Variants in CYREN observed in about 807,000 individuals in gnomAD.
CYREN encodes cell cycle regulator of non-homologous end joining.
CYREN carries 7 observed loss-of-function variants against 9.7 expected under a neutral mutation model. The observed-to-expected ratio is 0.72, with a 90% CI of 0.41 to 1.36. The LOEUF (loss-of-function observed/expected upper bound fraction) is 1.36. Ranked by LOEUF, CYREN falls within the 40% of genes most tolerant of loss-of-function variation. The pLI, the probability that CYREN is intolerant of heterozygous loss-of-function variation, is 0.01. For missense variants in CYREN, 215 were observed against 198.1 expected (o/e 1.09, Z -0.51); for synonymous variants, 76 against 77.9 (o/e 0.98, Z 0.13).
intron 3 of CYREN, chr7:135,167,270 C>T (rs957587989): frequency 1.5e-5 from 16 of 1,071,946 alleles, no homozygotes; most frequent in Non-Finnish European, 1.7e-5. Flanking sequence ...ATAACGCATG[C>T]TTTCAAGGCA....
At chr7:135,094,076 A>G in exon 3 of CYREN, 1 of 278,128 alleles carries the variant, frequency 3.6e-6, no homozygotes, top group Non-Finnish European at 7.0e-6. Flanking sequence ...CGTGTTCCTT[A>G]TACCATACAC....
At chr7:135,158,474 C>G (rs1167183892) in intron 2 of CYREN, among the ~76,000 whole-genome samples, 2 of 152,128 alleles carry the variant, frequency 1.3e-5, no homozygotes, top group African/African-American at 2.4e-5. Flanking sequence ...CTGTGGAACA[C>G]ACAGGATGGC....
intron 2 of CYREN, among the ~76,000 whole-genome samples, chr7:135,160,025 CTATGATACAGCTAT>C (rs1829888170): frequency 1.3e-5 from 2 of 152,172 alleles, no homozygotes; most frequent in African/African-American, 2.4e-5. Context: ...AAACTATAAA[CTATGATACAGCTAT>C]ATGCAGCCCT....
intron 2 of CYREN, among the ~76,000 whole-genome samples, chr7:135,159,873 A>G (rs1276831096): frequency 1.3e-5 from 2 of 152,254 alleles, no homozygotes; most frequent in Non-Finnish European, 2.9e-5. Context: ...AGAATAAAAG[A>G]CTCAAGAATA....
At chr7:135,162,315 C>G (rs1829963560), downstream of CYREN, among the ~76,000 whole-genome samples, 1 of 152,212 alleles carries the variant, frequency 6.6e-6, no homozygotes. Flanking sequence ...CCTGGGACTC[C>G]CTGCTGGGGC....
At chr7:135,160,547 C>T (rs1027386466) in intron 2 of CYREN, among the ~76,000 whole-genome samples, 2 of 152,182 alleles carry the variant, frequency 1.3e-5, no homozygotes, top group Non-Finnish European at 1.5e-5. Flanking sequence ...CCTCTCCATA[C>T]ACAAGTTCCT....
Position 135,104,777 on chromosome 7 carries a change from G to GT in CYREN, n.357-10196dup, listed in dbSNP as rs199595037. The stretch of plus-strand genomic sequence containing the variant: ...GCCCACTTTTTAATGGGGCTGTTTG[G>GT]TTTTTTTTTTTCTTGTACATTTGTT... On this transcript the variant is annotated intron_variant and non_coding_transcript_variant, in intron 2 of 2. Transcript: ENST00000459937. Among the ~76,000 whole-genome samples, 327 of 145,162 alleles carry GT rather than the reference G, an allele frequency of 2.3e-3. 1 individual carries two copies. Among genetic ancestry groups the GT allele is most frequent in the African/African-American group, 5.0e-3 (199 of 39,804 alleles).
chr7:135,116,689 T>C (rs921826915), intron 2 of CYREN, among the ~76,000 whole-genome samples: 3 of 152,196 alleles, frequency 2.0e-5, no homozygotes, highest in Non-Finnish European at 4.4e-5. Flanking sequence ...AGCAGAGGTT[T>C]GAGATCCCCC....
At chr7:135,129,615 G>A in intron 2 of CYREN, 1 of 775,566 alleles carries the variant, frequency 1.3e-6, no homozygotes, top group South Asian at 1.3e-5. Context: ...CACTGATCCT[G>A]CTTCAACATG....
exon 3 of CYREN, chr7:135,093,123 G>T (rs963062996): frequency 4.0e-5 from 6 of 150,556 alleles, no homozygotes; most frequent in Non-Finnish European, 7.4e-5. Flanking sequence ...CTGAGACCTG[G>T]AACAAGACAG....
intron 2 of CYREN, among the ~76,000 whole-genome samples, chr7:135,148,699 G>A (rs978761977): frequency 6.6e-6 from 1 of 152,142 alleles, no homozygotes; most frequent in East Asian, 1.9e-4. Context: ...TGGTAGTTAC[G>A]AACACATCAT....
chr7:135,160,658 G>T (rs1034057786), intron 2 of CYREN, among the ~76,000 whole-genome samples: 1 of 151,890 alleles, frequency 6.6e-6, no homozygotes, highest in Non-Finnish European at 1.5e-5. Context: ...AGGCAGCTCT[G>T]CTGTCCTAAG....
chr7:135,110,178 GCT>G (rs1291910692), intron 2 of CYREN, among the ~76,000 whole-genome samples: 1 of 152,096 alleles, frequency 6.6e-6, no homozygotes, highest in African/African-American at 2.4e-5. Context: ...CCCTCTGGGA[GCT>G]CTGTCTCAGG....
intron 2 of CYREN, among the ~76,000 whole-genome samples, chr7:135,122,518 C>T (rs1036972108): frequency 1.3e-5 from 2 of 152,084 alleles, no homozygotes; most frequent in African/African-American, 2.4e-5. Context: ...CGAAGCACAC[C>T]CCCCCAACCA....
chr7:135,100,721 A>T (rs1392640587), intron 2 of CYREN, among the ~76,000 whole-genome samples: 3 of 152,234 alleles, frequency 2.0e-5, no homozygotes, highest in East Asian at 1.9e-4. Flanking sequence ...TTAATTTTTT[A>T]AAATGTATTA....
chr7:135,125,257 C>T (rs1422817873), intron 2 of CYREN, among the ~76,000 whole-genome samples: 3 of 152,152 alleles, frequency 2.0e-5, no homozygotes, highest in East Asian at 1.9e-4. Flanking sequence ...TCAGAGAATA[C>T]TATCAACACC....
intron 2 of CYREN, among the ~76,000 whole-genome samples, chr7:135,126,039 G>C (rs1827825736): frequency 6.6e-6 from 1 of 152,108 alleles, no homozygotes; most frequent in Admixed American, 6.5e-5. Flanking sequence ...GGAAGCTCTG[G>C]CCAGGGCAAT....
intron 2 of CYREN, among the ~76,000 whole-genome samples, chr7:135,144,804 G>A (rs920159779): frequency 6.6e-6 from 1 of 150,682 alleles, no homozygotes; most frequent in African/African-American, 2.4e-5. Context: ...ATAGTGGCAC[G>A]CACCTGTAGT....
chr7:135,159,978 T>C (rs139397011), intron 2 of CYREN, among the ~76,000 whole-genome samples: 3 of 152,340 alleles, frequency 2.0e-5, no homozygotes, highest in Admixed American at 6.5e-5. Flanking sequence ...ATAGCATTCA[T>C]AGCATTATAA....
Sources: gnomAD v4.1 joint callset for allele counts (sites outside exome capture counted in the v4.1 genomes callset) on GRCh38, gnomAD v4.1.1 for gene constraint, MANE v1.5 for transcripts, NCBI Gene and HGNC (gene_info 2026-07-23, HGNC 2026-07-21) for gene names.